The following SLC9A9 variants were observed in gnomAD, a reference collection of about 807,000 sequenced individuals.
The protein encoded by SLC9A9 is sodium/hydrogen exchanger 9.
In SLC9A9, 62 loss-of-function variants were observed where a neutral mutation model predicts 77.8. That is an observed-to-expected ratio of 0.80 (90% CI 0.65 to 0.98). The LOEUF is 0.98. SLC9A9 is among the 50% of genes least tolerant of loss of function. SLC9A9 has a pLI of 0.00. For synonymous variants in SLC9A9, 320 were observed against 283.5 expected (o/e 1.13, Z -1.29); for missense variants, 775 against 774.9 (o/e 1.00, Z 0.00).
At chr3:143,728,081 G>T (rs1354878712) in intron 4 of SLC9A9, among the ~76,000 whole-genome samples, 3 of 152,168 alleles carry the variant, frequency 2.0e-5, no homozygotes, top group Non-Finnish European at 4.4e-5. Context: ...GGGTGGAGGT[G>T]TTATTAAACT....
intron 12 of SLC9A9, among the ~76,000 whole-genome samples, chr3:143,454,441 C>T (rs1370270383): frequency 6.6e-6 from 1 of 151,964 alleles, no homozygotes; most frequent in South Asian, 2.1e-4. Flanking sequence ...TGTTTTTTCT[C>T]GAAGTTTTAT....
At chr3:143,365,935 C>T (rs1349358672) in intron 13 of SLC9A9, among the ~76,000 whole-genome samples, 1 of 151,528 alleles carries the variant, frequency 6.6e-6, no homozygotes, top group East Asian at 2.0e-4. Flanking sequence ...CCTTTTTTCC[C>T]ACCCTTTCCT....
chr3:143,656,825 C>T (rs1576638402), intron 5 of SLC9A9, among the ~76,000 whole-genome samples: 1 of 152,286 alleles, frequency 6.6e-6, no homozygotes, highest in East Asian at 1.9e-4. Flanking sequence ...GAAGATTTTG[C>T]AGCTGAATCG....
chr3:143,848,392 A>G lies in SLC9A9; in HGVS notation c.-70T>C. On this transcript the variant is annotated 5_prime_UTR_variant, in exon 1 of 16. Coordinates refer to ENST00000316549, the MANE Select transcript of SLC9A9 (RefSeq NM_173653.4). Reference sequence around the variant, plus strand: ...GCTATTTTATCAAGATTTGCCTAAGACAGTCTGACTGCCTGAGAATTTCAG... The same window carrying G: ...GCTATTTTATCAAGATTTGCCTAAGGCAGTCTGACTGCCTGAGAATTTCAG... 1 of 1,600,158 alleles carries G rather than the reference A, an allele frequency of 6.2e-7. No homozygotes were observed. The highest frequency in any genetic ancestry group is 8.6e-7 in the Non-Finnish European group (1 of 1,168,190).
intron 6 of SLC9A9, among the ~76,000 whole-genome samples, chr3:143,648,191 A>C (rs979995364): frequency 6.6e-6 from 1 of 152,158 alleles, no homozygotes. Context: ...CATTTTCTAG[A>C]TCAAGAAATT....
At chr3:143,309,001 C>T (rs974156984) in intron 14 of SLC9A9, among the ~76,000 whole-genome samples, 84 of 152,172 alleles carry the variant, frequency 5.5e-4, no homozygotes, top group African/African-American at 1.9e-3. Flanking sequence ...AGCTCTAAGT[C>T]TATTTCAGCC....
intron 6 of SLC9A9, among the ~76,000 whole-genome samples, chr3:143,650,883 T>C (rs1326961136): frequency 6.6e-6 from 1 of 152,236 alleles, no homozygotes; most frequent in Non-Finnish European, 1.5e-5. Flanking sequence ...CTCAACAGCA[T>C]CAACATTTAT....
intron 12 of SLC9A9, among the ~76,000 whole-genome samples, chr3:143,443,281 A>G (rs1559917955): frequency 6.6e-6 from 1 of 152,146 alleles, no homozygotes; most frequent in Non-Finnish European, 1.5e-5. Context: ...CAAAGCCACA[A>G]CAAAGGCTCT....
At chr3:143,320,071 G>A (rs1239824103) in intron 14 of SLC9A9, among the ~76,000 whole-genome samples, 1 of 152,168 alleles carries the variant, frequency 6.6e-6, no homozygotes, top group Non-Finnish European at 1.5e-5. Flanking sequence ...CCACCTGGAT[G>A]GTATCTTTGG....
intron 4 of SLC9A9, among the ~76,000 whole-genome samples, chr3:143,719,894 A>C (rs1274226833): frequency 6.6e-6 from 1 of 152,158 alleles, no homozygotes; most frequent in Non-Finnish European, 1.5e-5. Flanking sequence ...AGGCCTTCAT[A>C]CAGTGAGACC....
At chr3:143,802,868 A>G (rs1170826283) in intron 2 of SLC9A9, among the ~76,000 whole-genome samples, 2 of 152,112 alleles carry the variant, frequency 1.3e-5, no homozygotes, top group Admixed American at 1.3e-4. Context: ...GTCCATTTGA[A>G]CTTTTATACG....
At chr3:143,460,932 A>G (rs931657936) in intron 12 of SLC9A9, among the ~76,000 whole-genome samples, 1 of 152,176 alleles carries the variant, frequency 6.6e-6, no homozygotes, top group African/African-American at 2.4e-5. Flanking sequence ...AATAGAACAA[A>G]ACTATAAAAG....
chr3:143,402,447 GTT>G (rs11292780), intron 12 of SLC9A9, among the ~76,000 whole-genome samples: 11,284 of 110,510 alleles, frequency 0.1, 589 homozygotes, highest in African/African-American at 0.25. Context: ...GCACCTTTGT[GTT>G]TTTTTTTTTT....
chr3:143,511,217 A>G (rs2108605231), intron 9 of SLC9A9, among the ~76,000 whole-genome samples: 1 of 152,316 alleles, frequency 6.6e-6, no homozygotes, highest in African/African-American at 2.4e-5. Context: ...AGGGGAAGGA[A>G]GAAGTTAAAA....
At chr3:143,839,517 C>T (rs1347048305) in intron 1 of SLC9A9, among the ~76,000 whole-genome samples, 3 of 151,952 alleles carry the variant, frequency 2.0e-5, no homozygotes, top group African/African-American at 4.8e-5. Flanking sequence ...CACACACACA[C>T]ACACACACAC....
intron 6 of SLC9A9, among the ~76,000 whole-genome samples, chr3:143,638,490 G>A (rs1308826954): frequency 1.3e-5 from 2 of 152,204 alleles, no homozygotes; most frequent in African/African-American, 2.4e-5. Flanking sequence ...AACTCTTGCT[G>A]TGAATCCATG....
intron 13 of SLC9A9, among the ~76,000 whole-genome samples, chr3:143,365,965 G>A (rs998926753): frequency 3.9e-5 from 6 of 152,148 alleles, no homozygotes; most frequent in African/African-American, 1.4e-4. Context: ...AGGATACGTG[G>A]ATTTTTATCC....
chr3:143,691,032 G>A (rs1484151106), intron 5 of SLC9A9, among the ~76,000 whole-genome samples: 2 of 152,100 alleles, frequency 1.3e-5, no homozygotes, highest in Non-Finnish European at 2.9e-5. Flanking sequence ...AAACTTTAAT[G>A]TGCATATGAA....
chr3:143,529,231 A>G (rs1305932502), intron 9 of SLC9A9, among the ~76,000 whole-genome samples: 1 of 152,222 alleles, frequency 6.6e-6, no homozygotes, highest in African/African-American at 2.4e-5. Flanking sequence ...TCAGAACCGC[A>G]ATACTGAGAT....
Sources: allele counts gnomAD v4.1 joint callset (sites outside exome capture counted in the v4.1 genomes callset), GRCh38; gene constraint gnomAD v4.1.1; transcripts MANE v1.5; gene names NCBI Gene and HGNC (gene_info 2026-07-23, HGNC 2026-07-21).